The following ANKS1B variants were observed in gnomAD, a reference collection of about 807,000 sequenced individuals.
The protein encoded by ANKS1B is ankyrin repeat and sterile alpha motif domain containing 1B, also known as ankyrin repeat and sterile alpha motif domain-containing protein 1B.
ANKS1B carries 36 observed loss-of-function variants against 148.3 expected under a neutral mutation model. That is an observed-to-expected ratio of 0.24 (90% CI 0.19 to 0.32). The LOEUF is 0.32. Ranked by LOEUF, ANKS1B falls within the 10% of genes least tolerant of loss-of-function variation. The probability of loss-of-function intolerance (pLI) is 1.00; values close to 1 mark genes in which losing one functional copy is unlikely to be tolerated. For synonymous variants in ANKS1B, 542 were observed against 560.8 expected, an observed-to-expected ratio of 0.97 and a Z score of 0.47; for missense variants, 1,157 against 1,542.6, an observed-to-expected ratio of 0.75 and a Z score of 4.19.
intron 1 of ANKS1B, among the ~76,000 whole-genome samples, chr12:99,972,975 C>G (rs750203030): frequency 2.6e-5 from 4 of 152,182 alleles, no homozygotes; most frequent in Admixed American, 6.5e-5. Context: ...AGTGGCACAA[C>G]AAAGCCTGGA....
chr12:99,405,339 CAT>C (rs1232706144), intron 11 of ANKS1B, among the ~76,000 whole-genome samples: 1 of 144,090 alleles, frequency 6.9e-6, no homozygotes, highest in African/African-American at 2.7e-5. Context: ...CTTTTCAAGA[CAT>C]AGACAGTACA....
intron 17 of ANKS1B, among the ~76,000 whole-genome samples, chr12:98,988,996 G>A (rs2099925067): frequency 6.6e-6 from 1 of 151,956 alleles, no homozygotes; most frequent in South Asian, 2.1e-4. Flanking sequence ...TTCCTTATAT[G>A]TTTTGGAATA....
chr12:99,272,539 T>C (rs1486548385), intron 12 of ANKS1B, among the ~76,000 whole-genome samples: 1 of 152,210 alleles, frequency 6.6e-6, no homozygotes, highest in Non-Finnish European at 1.5e-5. Flanking sequence ...GTTAAACATT[T>C]ATCCTGATTT....
intron 8 of ANKS1B, among the ~76,000 whole-genome samples, chr12:99,737,760 T>C (rs2059747247): frequency 6.6e-6 from 1 of 152,100 alleles, no homozygotes; most frequent in African/African-American, 2.4e-5. Context: ...TACCTTTCAG[T>C]TTCTTTCTCA....
intron 16 of ANKS1B, among the ~76,000 whole-genome samples, chr12:99,080,717 G>A (rs1295295724): frequency 6.6e-6 from 1 of 152,150 alleles, no homozygotes; most frequent in Non-Finnish European, 1.5e-5. Context: ...ATTATCCAAA[G>A]ACTTGGCCAC....
chr12:99,826,008 T>C (rs2083137036), intron 1 of ANKS1B, among the ~76,000 whole-genome samples: 1 of 108,848 alleles, frequency 9.2e-6, no homozygotes, highest in African/African-American at 4.2e-5. Context: ...TGTAACTATA[T>C]AAAAGAGTCT....
chr12:99,936,149 G>T (rs1028665091), intron 1 of ANKS1B, among the ~76,000 whole-genome samples: 1 of 152,144 alleles, frequency 6.6e-6, no homozygotes, highest in Admixed American at 6.5e-5. Flanking sequence ...TGGGGATTAT[G>T]AGGATTACAA....
chr12:99,621,162 A>G (rs2098043680), intron 9 of ANKS1B, among the ~76,000 whole-genome samples: 1 of 152,166 alleles, frequency 6.6e-6, no homozygotes, highest in Admixed American at 6.6e-5. Flanking sequence ...TTCATAAGCA[A>G]AAAAGAAATA....
At chr12:98,830,597 TAA>T (rs1467560010) in intron 18 of ANKS1B, among the ~76,000 whole-genome samples, 2 of 152,208 alleles carry the variant, frequency 1.3e-5, no homozygotes, top group African/African-American at 4.8e-5. Flanking sequence ...AGTTTATTGA[TAA>T]GAGGCAGCCC....
At chr12:99,768,825 GAAAAAAAA>G (rs71088151) in intron 8 of ANKS1B, among the ~76,000 whole-genome samples, 2 of 69,404 alleles carry the variant, frequency 2.9e-5, no homozygotes, top group East Asian at 4.4e-4. Context: ...CTCCGTCTCA[GAAAAAAAA>G]AAAAAAAAAA....
intron 17 of ANKS1B, among the ~76,000 whole-genome samples, chr12:98,995,185 G>A (rs575853779): frequency 2.6e-5 from 4 of 152,042 alleles, no homozygotes; most frequent in Admixed American, 1.3e-4. Context: ...AGTACTACCC[G>A]ACATATATTG....
intron 1 of ANKS1B, among the ~76,000 whole-genome samples, chr12:99,970,660 C>A (rs927960980): frequency 6.6e-6 from 1 of 152,074 alleles, no homozygotes; most frequent in African/African-American, 2.4e-5. Flanking sequence ...ACTTATAATA[C>A]CCCAAGCTAT....
At chr12:98,963,689 AG>A (rs1234259398) in intron 17 of ANKS1B, among the ~76,000 whole-genome samples, 2 of 152,232 alleles carry the variant, frequency 1.3e-5, no homozygotes, top group African/African-American at 4.8e-5. Flanking sequence ...GCATAGTAAA[AG>A]AAACAATCAA....
intron 14 of ANKS1B, 70 bp downstream of exon 14, chr12:99,244,272 G>C: frequency 9.4e-7 from 1 of 1,058,696 alleles, no homozygotes; most frequent in South Asian, 1.5e-5. Context: ...ATTATCTAAA[G>C]ATTCCTATCA....
At chr12:99,010,072 A>G (rs185290799) in intron 17 of ANKS1B, among the ~76,000 whole-genome samples, 2 of 152,238 alleles carry the variant, frequency 1.3e-5, no homozygotes, top group Non-Finnish European at 2.9e-5. Flanking sequence ...ATCTTTGCCT[A>G]TTGCCAACTG....
intron 10 of ANKS1B, among the ~76,000 whole-genome samples, chr12:99,460,605 C>G (rs897618871): frequency 6.6e-6 from 1 of 151,622 alleles, no homozygotes; most frequent in Non-Finnish European, 1.5e-5. Flanking sequence ...TAGACAGTTA[C>G]CAAAAGAAGA....
At chr12:99,560,715 T>A (rs1236223417) in intron 9 of ANKS1B, among the ~76,000 whole-genome samples, 2 of 152,168 alleles carry the variant, frequency 1.3e-5, no homozygotes, top group Non-Finnish European at 2.9e-5. Context: ...AACAATCATC[T>A]GAGCCTTCAA....
chr12:99,457,827 G>C (rs956721697), intron 10 of ANKS1B, among the ~76,000 whole-genome samples: 2 of 152,062 alleles, frequency 1.3e-5, no homozygotes, highest in Non-Finnish European at 2.9e-5. Context: ...CACAATAATA[G>C]TCGGGGACTT....
In ANKS1B at chr12:99,454,893, A is replaced by G. The variant is rs1478963669; in HGVS notation, c.1439-11084T>C. ...GAAAGAGAAAGGGAGGCCATAGAAG[A>G]TGGGTTCCCTCCCAATGCTTACTTT... On this transcript the variant is annotated intron_variant, in intron 10 of 26. Coordinates refer to ENST00000683438, the MANE Select transcript of ANKS1B (RefSeq NM_001352186.2). Among the ~76,000 whole-genome samples, 4 of 152,206 alleles carry G rather than the reference A, an allele frequency of 2.6e-5. No homozygotes were observed. In the East Asian group the frequency reaches 7.7e-4, roughly 29 times the overall value.
Sources: allele counts gnomAD v4.1 joint callset (sites outside exome capture counted in the v4.1 genomes callset), GRCh38; gene constraint gnomAD v4.1.1; transcripts MANE v1.5; gene names NCBI Gene and HGNC (gene_info 2026-07-23, HGNC 2026-07-21).